Variants in PLPPR1 observed in about 807,000 individuals in gnomAD.
PLPPR1 encodes phospholipid phosphatase-related protein type 1.
In PLPPR1, 10 loss-of-function variants were observed where a neutral mutation model predicts 33.1. The observed-to-expected ratio is 0.30, with a 90% CI of 0.19 to 0.51. The LOEUF is 0.51. PLPPR1 is among the 20% of genes least tolerant of loss of function. PLPPR1 has a pLI of 0.97. For missense variants in PLPPR1, 304 were observed against 408.1 expected, an observed-to-expected ratio of 0.74 and a Z score of 2.20; for synonymous variants, 151 against 151.0, an observed-to-expected ratio of 1.00 and a Z score of 0.00.
At chr9:101,180,275 T>C (rs1826087781) in intron 1 of PLPPR1, among the ~76,000 whole-genome samples, 1 of 150,220 alleles carries the variant, frequency 6.7e-6, no homozygotes, top group Non-Finnish European at 1.5e-5. Flanking sequence ...TGGAAAACCC[T>C]GATTAATACA....
chr9:101,258,436 T>G (rs1212169431), intron 2 of PLPPR1, among the ~76,000 whole-genome samples: 3 of 152,184 alleles, frequency 2.0e-5, no homozygotes, highest in Non-Finnish European at 4.4e-5. Flanking sequence ...GGCACATGAT[T>G]GGTGTGTAGC....
intron 1 of PLPPR1, among the ~76,000 whole-genome samples, chr9:101,037,556 A>G (rs1440888045): frequency 6.6e-6 from 1 of 152,128 alleles, no homozygotes; most frequent in African/African-American, 2.4e-5. Context: ...ATTAACAAGA[A>G]TAATATCTGG....
At chr9:101,297,811 A>G (rs1003494094) in intron 4 of PLPPR1, among the ~76,000 whole-genome samples, 3 of 152,136 alleles carry the variant, frequency 2.0e-5, no homozygotes, top group Non-Finnish European at 4.4e-5. Flanking sequence ...CTTTTACTTT[A>G]TACCATTTCC....
intron 2 of PLPPR1, among the ~76,000 whole-genome samples, chr9:101,267,958 C>T (rs902925198): frequency 3.9e-5 from 6 of 152,084 alleles, no homozygotes; most frequent in African/African-American, 1.5e-4. Context: ...TTTGTAGGGA[C>T]ATGGATGAAG....
intron 1 of PLPPR1, among the ~76,000 whole-genome samples, chr9:101,145,697 A>G (rs1026286783): frequency 9.0e-5 from 12 of 132,974 alleles, no homozygotes; most frequent in Non-Finnish European, 1.8e-4. Context: ...ATGATTTGTC[A>G]GTTAAAAAAT....
chr9:101,191,537 C>T (rs77094653), intron 2 of PLPPR1, among the ~76,000 whole-genome samples: 3,509 of 151,946 alleles, frequency 0.023, 146 homozygotes, highest in African/African-American at 0.079. Flanking sequence ...ATGCTTGAGA[C>T]TTTTTTTGTA....
chr9:101,153,006 C>T (rs898701165), intron 1 of PLPPR1, among the ~76,000 whole-genome samples: 52 of 152,164 alleles, frequency 3.4e-4, no homozygotes, highest in Admixed American at 4.6e-4. Context: ...GCCATTTTCA[C>T]GATATTGATT....
chr9:101,115,799 C>T (rs2118584496), intron 1 of PLPPR1, among the ~76,000 whole-genome samples: 1 of 152,286 alleles, frequency 6.6e-6, no homozygotes, highest in South Asian at 2.1e-4. Context: ...AGCTGCATCC[C>T]ATTTTAATGA....
At chr9:101,058,903 A>G (rs1214861047) in intron 1 of PLPPR1, among the ~76,000 whole-genome samples, 1 of 152,166 alleles carries the variant, frequency 6.6e-6, no homozygotes, top group African/African-American at 2.4e-5. Flanking sequence ...TTAAGGCTCA[A>G]AAAAGTTAAT....
At chr9:101,235,569 CAT>C (rs1030816613) in intron 2 of PLPPR1, among the ~76,000 whole-genome samples, 3 of 151,776 alleles carry the variant, frequency 2.0e-5, no homozygotes, top group Non-Finnish European at 4.4e-5. Context: ...GAACAGATGA[CAT>C]GTGAATTTTT....
chr9:101,046,737 C>T (rs895354840), intron 1 of PLPPR1, among the ~76,000 whole-genome samples: 1 of 152,134 alleles, frequency 6.6e-6, no homozygotes, highest in East Asian at 1.9e-4. Context: ...ACCACTGCAC[C>T]CGGGCTACCT....
intron 4 of PLPPR1, among the ~76,000 whole-genome samples, chr9:101,298,917 G>C (rs1480852130): frequency 6.6e-6 from 1 of 152,186 alleles, no homozygotes; most frequent in Non-Finnish European, 1.5e-5. Context: ...TTGTTGAGTT[G>C]GCAGTGAATT....
chr9:101,284,502 A>G (rs936600431), intron 3 of PLPPR1, among the ~76,000 whole-genome samples: 4 of 152,160 alleles, frequency 2.6e-5, no homozygotes, highest in Admixed American at 6.5e-5. Context: ...CCAAGTGAAC[A>G]TTAAGTGTTT....
At chr9:101,251,956 C>A (rs886789435) in intron 2 of PLPPR1, among the ~76,000 whole-genome samples, 5 of 152,098 alleles carry the variant, frequency 3.3e-5, no homozygotes, top group African/African-American at 1.2e-4. Context: ...GATAAATATA[C>A]ACCAAGTATT....
chr9:101,148,069 A>C (rs896902499), intron 1 of PLPPR1, among the ~76,000 whole-genome samples: 2 of 152,082 alleles, frequency 1.3e-5, no homozygotes, highest in Non-Finnish European at 2.9e-5. Context: ...CTCTGCTCCA[A>C]GTGGACGGAA....
At chr9:101,214,569 T>G (rs1481634911) in intron 2 of PLPPR1, among the ~76,000 whole-genome samples, 3 of 152,240 alleles carry the variant, frequency 2.0e-5, no homozygotes, top group South Asian at 2.1e-4. Flanking sequence ...ATGATAAATA[T>G]TCTAAAGAAC....
chr9:101,261,766 T>C (rs528148453), intron 2 of PLPPR1, among the ~76,000 whole-genome samples: 1 of 152,170 alleles, frequency 6.6e-6, no homozygotes, highest in South Asian at 2.1e-4. Flanking sequence ...AAATACTGCA[T>C]GTTCTGACTT....
At chr9:101,202,751 C>T (rs1164610614) in intron 2 of PLPPR1, among the ~76,000 whole-genome samples, 1 of 152,206 alleles carries the variant, frequency 6.6e-6, no homozygotes, top group African/African-American at 2.4e-5. Context: ...CCTCAGCATT[C>T]TCCCAGCTGA....
At chr9:101,171,652 C>A (rs1172716205) in intron 1 of PLPPR1, among the ~76,000 whole-genome samples, 5 of 152,158 alleles carry the variant, frequency 3.3e-5, no homozygotes, top group Non-Finnish European at 4.4e-5. Flanking sequence ...GAGTGTATTC[C>A]TAAATCCCAC....
Sources: allele counts gnomAD v4.1 joint callset (sites outside exome capture counted in the v4.1 genomes callset), GRCh38; gene constraint gnomAD v4.1.1; transcripts MANE v1.5; gene names NCBI Gene and HGNC (gene_info 2026-07-23, HGNC 2026-07-21).